Variants in POPDC3 observed in about 807,000 individuals in gnomAD.
The protein encoded by POPDC3 is popeye domain-containing protein 3.
Under a neutral mutation model 28.2 loss-of-function variants are expected in POPDC3, and 20 were observed. The observed-to-expected ratio is 0.71, with a 90% CI of 0.50 to 1.03. POPDC3 has a LOEUF of 1.03. POPDC3 is among the 50% of genes least tolerant of loss of function. The pLI is 0.00. For missense variants in POPDC3, 316 were observed against 345.9 expected (o/e 0.91, Z 0.69); for synonymous variants, 118 against 124.1 (o/e 0.95, Z 0.33).
intron 3 of POPDC3, 98 bp from the exon 4 acceptor site, chr6:105,158,849 CTT>C: frequency 8.8e-7 from 1 of 1,133,166 alleles, no homozygotes; most frequent in Non-Finnish European, 1.2e-6. Flanking sequence ...CACGTGCTGC[CTT>C]TTTTTTAGGT....
chr6:105,166,185 A>C (rs557684343), intron 1 of POPDC3, among the ~76,000 whole-genome samples: 6 of 152,312 alleles, frequency 3.9e-5, no homozygotes, highest in African/African-American at 1.4e-4. Flanking sequence ...GAATTGGACA[A>C]CATCATAAGA....
At chr6:105,179,159 T>C in intron 1 of POPDC3, 1 of 985,464 alleles carries the variant, frequency 1.0e-6, no homozygotes, top group African/African-American at 1.7e-5. Context: ...ACTATACCAC[T>C]GTAACCGACA....
intron 1 of POPDC3, chr6:105,166,795 T>G: frequency 2.4e-5 from 8 of 334,110 alleles, no homozygotes; most frequent in South Asian, 2.1e-4. Context: ...TTTTCCTTTT[T>G]AAAGCATCAC....
At chr6:105,177,279 A>C (rs898246604) in intron 1 of POPDC3, among the ~76,000 whole-genome samples, 1 of 152,218 alleles carries the variant, frequency 6.6e-6, no homozygotes, top group African/African-American at 2.4e-5. Context: ...ATGTAAAATG[A>C]AACAGACAAT....
At chr6:105,159,884 TG>T (rs1774283016) in intron 2 of POPDC3, 65 bp from the exon 3 acceptor site, 22 of 943,160 alleles carry the variant, frequency 2.3e-5, no homozygotes, top group East Asian at 5.9e-5. Flanking sequence ...TGGGGAGGGG[TG>T]GGGGGTAGAG....
rs1195086654 is a variant in POPDC3 at position 105,179,976 on chromosome 6, G to C, written c.-395C>G. 3 of 147,828 alleles carry C rather than the reference G, an allele frequency of 2.0e-5. No homozygotes were observed. Among genetic ancestry groups the C allele is most frequent in the African/African-American group, 4.9e-5 (2 of 40,886 alleles). The allele number at this position is 147,828 out of a possible 1,614,324, so 9.2% of individuals were successfully genotyped here. Reference sequence around the variant, plus strand: ...CGCCGCCCACCCTGCGGCGCCGGGCGCAGCGTGACCGCAGCGGGCTCCGGA... The same window carrying C: ...CGCCGCCCACCCTGCGGCGCCGGGCCCAGCGTGACCGCAGCGGGCTCCGGA... On this transcript the variant is annotated 5_prime_UTR_variant, in exon 1 of 4. Transcript: ENST00000254765.
At chr6:105,169,004 C>T (rs1029792191) in intron 1 of POPDC3, 4 of 152,168 alleles carry the variant, frequency 2.6e-5, no homozygotes, top group Non-Finnish European at 1.5e-5. Context: ...TGACTGCAGG[C>T]TTGGGAGGTC....
chr6:105,165,345 G>A (rs906325112), intron 1 of POPDC3, among the ~76,000 whole-genome samples: 5 of 152,194 alleles, frequency 3.3e-5, no homozygotes, highest in Admixed American at 2.0e-4. Context: ...GAGACACAGA[G>A]AGCCGCTCAT....
intron 3 of POPDC3, 132 bp from the exon 4 acceptor site, chr6:105,158,883 A>C (rs1419178081): frequency 2.9e-6 from 2 of 680,184 alleles, no homozygotes; most frequent in Non-Finnish European, 4.9e-6. Context: ...ACTGACCTAC[A>C]ATATATTGCA....
At chr6:105,170,843 A>G (rs1562156138) in intron 1 of POPDC3, among the ~76,000 whole-genome samples, 1 of 152,222 alleles carries the variant, frequency 6.6e-6, no homozygotes. Context: ...AGTTACATCT[A>G]TCTATCTTAA....
chr6:105,161,965 G>C lies in POPDC3; in HGVS notation c.-56C>G. The stretch of plus-strand genomic sequence containing the variant: ...TTGACTTTAGATGACACTGAAACAG[G>C]TAACTAAGTCCTTTGGTTCTCCATC... On this transcript the variant is annotated 5_prime_UTR_variant, in exon 2 of 4. Coordinates refer to ENST00000254765, the MANE Select transcript of POPDC3 (RefSeq NM_022361.5). 1 of 1,529,644 alleles carries C rather than the reference G, an allele frequency of 6.5e-7. No individual in the cohort carries two copies. The highest frequency in any genetic ancestry group is 8.7e-7 in the Non-Finnish European group (1 of 1,143,318). The allele number at this position is 1,529,644 out of a possible 1,614,324, so 94.8% of individuals were successfully genotyped here.
Position 105,158,657 on chromosome 6 carries a change from A to G in POPDC3, c.689T>C (p.Leu230Pro). The G allele has an allele frequency of 6.2e-7, 1 of 1,614,156 alleles. No individual in the cohort carries two copies. The highest frequency in any genetic ancestry group is 8.5e-7 in the Non-Finnish European group (1 of 1,179,992). ...GTCACTGCCAATTAGCACTGAAAAA[A>G]GGCGGGAGATGTAGCGATGCTGAGC... ...LFAQHRYISR[L>P]FSVLIGSDIA... The change falls in exon 4 of 4, where the codon CTT becomes CCT. Residue 230 changes from leucine (L) to proline (P), a missense_variant. Coordinates refer to ENST00000254765, the MANE Select transcript of POPDC3 (RefSeq NM_022361.5).
chr6:105,162,036 T>A lies in POPDC3; in HGVS notation c.-127A>T. 6.7e-7 allele frequency: 1 copy of A among 1,495,718 alleles called. No individual in the cohort carries two copies. Among genetic ancestry groups the A allele is most frequent in the Non-Finnish European group, 8.8e-7 (1 of 1,131,394 alleles). 92.7% of individuals were successfully genotyped at this position (1,495,718 alleles called of 1,614,324 possible). A position where few individuals can be genotyped will look rare whatever the true frequency, so the allele number is the denominator to read the frequency against. On this transcript the variant is annotated 5_prime_UTR_variant, in exon 2 of 4. Transcript: ENST00000254765. ...TCACAAAACCAGAGAAAACGGACAC[T>A]GGAGTTGATGCTGATTAAAGGCTTC...
chr6:105,163,071 C>T (rs1190286), intron 1 of POPDC3, among the ~76,000 whole-genome samples: 102,647 of 152,068 alleles, frequency 0.68, 40,622 homozygotes, highest in East Asian at 0.88. Context: ...AGGAACCCTA[C>T]TATATCAATA....
chr6:105,166,096 G>T (rs150696318), intron 1 of POPDC3, among the ~76,000 whole-genome samples: 41 of 152,240 alleles, frequency 2.7e-4, no homozygotes, highest in Admixed American at 9.2e-4. Context: ...CAAGAGAAGG[G>T]TTCTAGTCTT....
intron 1 of POPDC3, among the ~76,000 whole-genome samples, chr6:105,176,114 A>C (rs184660795): frequency 6.6e-6 from 1 of 152,136 alleles, no homozygotes; most frequent in South Asian, 2.1e-4. Context: ...TTAAAATATA[A>C]TTTTTTTATT....
rs569968378 is a variant in POPDC3, at chr6:105,172,306, C to G, written c.-252+7527G>C. ...AAATGCTCATCATCACTGGCCATCA[C>G]ATAAATGCAAATCAAAACCACAATG... On this transcript the variant is annotated intron_variant, in intron 1 of 3. Coordinates refer to ENST00000254765, the MANE Select transcript of POPDC3 (RefSeq NM_022361.5). Among the ~76,000 whole-genome samples, 128 of 151,322 alleles carry G rather than the reference C, an allele frequency of 8.5e-4. 4 individuals carry two copies. Among genetic ancestry groups the G allele is most frequent in the African/African-American group, 3.0e-3 (124 of 41,068 alleles).
At chr6:105,177,081 A>C (rs1337875152) in intron 1 of POPDC3, 1 of 345,168 alleles carries the variant, frequency 2.9e-6, no homozygotes, top group African/African-American at 2.1e-5. Context: ...TGAACCCAAC[A>C]ACCAGAATTA....
chr6:105,179,004 GCTTCTAATTCTA>G, intron 1 of POPDC3: 1 of 985,368 alleles, frequency 1.0e-6, no homozygotes, highest in Non-Finnish European at 1.2e-6. Flanking sequence ...CCAAAAGTGG[GCTTCTAATTCTA>G]CTTTTCCATT....
Sources: allele counts gnomAD v4.1 joint callset (sites outside exome capture counted in the v4.1 genomes callset), GRCh38; gene constraint gnomAD v4.1.1; transcripts MANE v1.5; gene names NCBI Gene and HGNC (gene_info 2026-07-23, HGNC 2026-07-21).